TFEC: variants seen among roughly 807,000 people sequenced by gnomAD.
TFEC encodes transcription factor EC.
TFEC carries 31 observed loss-of-function variants against 41.6 expected under a neutral mutation model. The observed-to-expected ratio is 0.74, with a 90% confidence interval of 0.56 to 1.01. The LOEUF is 1.01. Among genes scored for constraint, TFEC ranks in the 50% least tolerant of loss-of-function variants. The pLI, the probability that TFEC is intolerant of heterozygous loss-of-function variation, is 0.00. For missense variants in TFEC, 402 were observed against 404.1 expected (o/e 0.99, Z 0.04); for synonymous variants, 143 against 140.6 (o/e 1.02, Z -0.12).
At chr7:116,080,574 A>G (rs968544959) in intron 3 of TFEC, among the ~76,000 whole-genome samples, 2 of 152,200 alleles carry the variant, frequency 1.3e-5, no homozygotes, top group Non-Finnish European at 2.9e-5. Context: ...ACAAATGGCC[A>G]AGAAGCATAT....
At chr7:116,068,043 A>C (rs1796736156) in intron 3 of TFEC, among the ~76,000 whole-genome samples, 1 of 151,910 alleles carries the variant, frequency 6.6e-6, no homozygotes, top group Non-Finnish European at 1.5e-5. Flanking sequence ...CCATAAAAAT[A>C]TCGACCATTT....
intron 1 of TFEC, among the ~76,000 whole-genome samples, chr7:116,006,368 A>G (rs747412189): frequency 6.6e-6 from 1 of 152,186 alleles, no homozygotes; most frequent in African/African-American, 2.4e-5. Flanking sequence ...AGACCATGAG[A>G]ATCCACCTCT....
chr7:116,114,646 C>G (rs553482407), intron 1 of TFEC, among the ~76,000 whole-genome samples: 6 of 151,906 alleles, frequency 3.9e-5, no homozygotes, highest in African/African-American at 1.5e-4. Flanking sequence ...TAGGTCCCCA[C>G]GGCATGCGAA....
intron 1 of TFEC, among the ~76,000 whole-genome samples, chr7:116,004,975 G>A (rs543614496): frequency 1.3e-5 from 2 of 152,236 alleles, no homozygotes; most frequent in Non-Finnish European, 2.9e-5. Context: ...AGACCTGACG[G>A]TTTCATAAGG....
At chr7:116,089,733 T>C (rs181327733) in intron 3 of TFEC, among the ~76,000 whole-genome samples, 1 of 152,118 alleles carries the variant, frequency 6.6e-6, no homozygotes, top group Non-Finnish European at 1.5e-5. Context: ...CAAAGGAAAG[T>C]ATCTCTGGAG....
intron 1 of TFEC, among the ~76,000 whole-genome samples, chr7:116,008,731 C>G (rs1358417737): frequency 6.6e-6 from 1 of 152,146 alleles, no homozygotes; most frequent in African/African-American, 2.4e-5. Context: ...CTCATCTTGA[C>G]TAAAACTTAA....
intron 3 of TFEC, among the ~76,000 whole-genome samples, chr7:115,960,169 A>T (rs1047033532): frequency 6.6e-6 from 1 of 151,660 alleles, no homozygotes; most frequent in African/African-American, 2.4e-5. Flanking sequence ...GATTGTGTAC[A>T]AAGAACAAAA....
chr7:116,046,785 C>T (rs528356546), intron 3 of TFEC, among the ~76,000 whole-genome samples: 24 of 152,266 alleles, frequency 1.6e-4, no homozygotes, highest in African/African-American at 5.5e-4. Flanking sequence ...AATGTCCACC[C>T]TTTTGTTTCA....
intron 1 of TFEC, among the ~76,000 whole-genome samples, chr7:116,027,889 A>G (rs1338733488): frequency 1.3e-5 from 2 of 152,096 alleles, no homozygotes; most frequent in Non-Finnish European, 2.9e-5. Flanking sequence ...CTTTTTTTAG[A>G]TCGATTTTCA....
Position 115,998,622 on chromosome 7 carries a change from G to A in TFEC, c.-72-14109C>T, listed in dbSNP as rs1226480150. The stretch of plus-strand genomic sequence containing the variant: ...TATAAAGATACACATAGAATGAAAA[G>A]AAAGGGATTGAAAAAGATATTCCAT... On this transcript the variant is annotated intron_variant, in intron 1 of 7. Coordinates refer to ENST00000265440, the MANE Select transcript of TFEC (RefSeq NM_012252.4). Among the ~76,000 whole-genome samples the A allele has an allele frequency of 3.3e-5, 5 of 151,226 alleles. No homozygotes were observed. The East Asian group carries it at 7.7e-4, about 23-fold the overall frequency.
At chr7:116,051,595 A>G (rs916871436) in intron 3 of TFEC, among the ~76,000 whole-genome samples, 2 of 152,190 alleles carry the variant, frequency 1.3e-5, no homozygotes, top group Non-Finnish European at 2.9e-5. Flanking sequence ...TATATATCTG[A>G]TGGGATTTAA....
chr7:115,972,294 A>C (rs1251332814), intron 3 of TFEC, among the ~76,000 whole-genome samples: 6 of 152,142 alleles, frequency 3.9e-5, no homozygotes, highest in Admixed American at 1.3e-4. Context: ...TCTGACTAGC[A>C]TTCAAAATGA....
At chr7:116,159,651 T>C (rs533435468) in intron 1 of TFEC, 17 of 152,134 alleles carry the variant, frequency 1.1e-4, no homozygotes, top group Non-Finnish European at 2.2e-4. Context: ...TCTAACTTTT[T>C]GAGCTAATGT....
intron 1 of TFEC, among the ~76,000 whole-genome samples, chr7:116,115,004 TAG>T (rs1358480685): frequency 6.6e-6 from 1 of 151,966 alleles, no homozygotes; most frequent in East Asian, 1.9e-4. Flanking sequence ...GCATGAGGGA[TAG>T]CCAAGAAAAG....
intron 3 of TFEC, among the ~76,000 whole-genome samples, chr7:115,959,118 A>G (rs1227944512): frequency 2.0e-5 from 3 of 151,980 alleles, no homozygotes; most frequent in South Asian, 2.1e-4. Flanking sequence ...ATTTATTATG[A>G]TATTTTTAAA....
At chr7:115,977,213 G>A (rs1461074395) in intron 2 of TFEC, among the ~76,000 whole-genome samples, 1 of 151,882 alleles carries the variant, frequency 6.6e-6, no homozygotes, top group African/African-American at 2.4e-5. Context: ...TAATAGATCA[G>A]ACAAAATAAG....
At chr7:115,990,390 T>G (rs1399196712) in intron 1 of TFEC, among the ~76,000 whole-genome samples, 1 of 151,916 alleles carries the variant, frequency 6.6e-6, no homozygotes, top group Admixed American at 6.6e-5. Context: ...CTTTGAGGAG[T>G]TGAGAGAAGA....
At chr7:115,962,545 T>C (rs1792612226) in intron 3 of TFEC, among the ~76,000 whole-genome samples, 2 of 151,758 alleles carry the variant, frequency 1.3e-5, no homozygotes, top group Admixed American at 1.3e-4. Context: ...CTCTATTTTA[T>C]GGTCAAATGA....
At chr7:116,099,716 C>T (rs1797561092) in intron 3 of TFEC, among the ~76,000 whole-genome samples, 1 of 152,100 alleles carries the variant, frequency 6.6e-6, no homozygotes, top group African/African-American at 2.4e-5. Context: ...TGAACCTAGC[C>T]CATATTGCTA....
Sources: gnomAD v4.1 joint callset for allele counts (sites outside exome capture counted in the v4.1 genomes callset) on GRCh38, gnomAD v4.1.1 for gene constraint, MANE v1.5 for transcripts, NCBI Gene and HGNC (gene_info 2026-07-23, HGNC 2026-07-21) for gene names.